Variants in LHFPL3 observed in about 807,000 individuals in gnomAD.
LHFPL3 encodes LHFPL tetraspan subfamily member 3 protein.
Under a neutral mutation model 19.3 loss-of-function variants are expected in LHFPL3, and 5 were observed. The observed-to-expected ratio is 0.26, with a 90% CI of 0.14 to 0.54. The LOEUF is 0.54. Among genes scored for constraint, LHFPL3 ranks in the 20% least tolerant of loss-of-function variants. The pLI is 0.94. For synonymous variants in LHFPL3, 133 were observed against 126.2 expected (o/e 1.05, Z -0.36); for missense variants, 249 against 307.4 (o/e 0.81, Z 1.42).
At chr7:104,798,291 T>G (rs1790172554) in intron 2 of LHFPL3, 1 of 152,236 alleles carries the variant, frequency 6.6e-6, no homozygotes, top group Non-Finnish European at 1.5e-5. Flanking sequence ...CTGTTAAGTA[T>G]TTTAAGTTAA....
Position 104,621,135 on chromosome 7 carries a change from C to G in LHFPL3, c.446-115540C>G, listed in dbSNP as rs149987325. Among the ~76,000 whole-genome samples, 106 of 152,306 alleles carry G rather than the reference C, an allele frequency of 7.0e-4. 1 individual carries two copies. Among genetic ancestry groups the G allele is most frequent in the African/African-American group, 2.3e-3 (95 of 41,562 alleles). On this transcript the variant is annotated intron_variant, in intron 1 of 2. Coordinates refer to ENST00000424859, the MANE Select transcript of LHFPL3 (RefSeq NM_199000.3). ...TCTGAACCCATCCCCAGATCTCCCA[C>G]TTTTTTAGTCTCCAGCCCCACTCAT...
intron 1 of LHFPL3, among the ~76,000 whole-genome samples, chr7:104,564,097 G>T (rs28606433): frequency 0.03 from 4,510 of 152,136 alleles, 229 homozygotes; most frequent in African/African-American, 0.1. Flanking sequence ...TACTATTATT[G>T]TATAAAAGAG....
intron 2 of LHFPL3, among the ~76,000 whole-genome samples, chr7:104,791,419 G>A (rs1426541115): frequency 6.6e-6 from 1 of 152,130 alleles, no homozygotes; most frequent in African/African-American, 2.4e-5. Context: ...GAGATTATTG[G>A]TCCCCTACTT....
chr7:104,545,367 C>T (rs1445461455), intron 1 of LHFPL3, among the ~76,000 whole-genome samples: 2 of 152,186 alleles, frequency 1.3e-5, no homozygotes, highest in Admixed American at 1.3e-4. Flanking sequence ...TGCCAATTTC[C>T]ATCTCCCAGA....
intron 1 of LHFPL3, among the ~76,000 whole-genome samples, chr7:104,389,334 G>A (rs940436672): frequency 6.6e-6 from 1 of 152,090 alleles, no homozygotes; most frequent in African/African-American, 2.4e-5. Context: ...ACAACTTGCA[G>A]ACCGAAAACT....
At chr7:104,416,738 T>G (rs1423506417) in intron 1 of LHFPL3, among the ~76,000 whole-genome samples, 1 of 152,240 alleles carries the variant, frequency 6.6e-6, no homozygotes, top group Admixed American at 6.5e-5. Context: ...GTACGTATCT[T>G]AGTCTGTTTT....
chr7:104,710,375 ATTAG>A (rs1793278183), intron 1 of LHFPL3, among the ~76,000 whole-genome samples: 1 of 152,220 alleles, frequency 6.6e-6, no homozygotes, highest in Non-Finnish European at 1.5e-5. Context: ...ATTGACTTTC[ATTAG>A]TTAGTTAATT....
chr7:104,464,503 CT>C (rs1328301735), intron 1 of LHFPL3, among the ~76,000 whole-genome samples: 15 of 152,364 alleles, frequency 9.8e-5, no homozygotes, highest in Admixed American at 3.3e-4. Flanking sequence ...GGTTCCACCC[CT>C]GAAGCATACT....
At chr7:104,688,675 C>G (rs1323447025) in intron 1 of LHFPL3, among the ~76,000 whole-genome samples, 1 of 152,154 alleles carries the variant, frequency 6.6e-6, no homozygotes, top group African/African-American at 2.4e-5. Context: ...GATGGCCTCC[C>G]CTGAGGCAGT....
chr7:104,589,981 A>C (rs144445283), intron 1 of LHFPL3, among the ~76,000 whole-genome samples: 1 of 151,708 alleles, frequency 6.6e-6, no homozygotes, highest in African/African-American at 2.4e-5. Context: ...TTTTTATTGC[A>C]TCTATTTGAT....
intron 1 of LHFPL3, among the ~76,000 whole-genome samples, chr7:104,382,046 C>G (rs1790839318): frequency 6.6e-6 from 1 of 152,176 alleles, no homozygotes; most frequent in Non-Finnish European, 1.5e-5. Context: ...TTTGAGATCC[C>G]TGGATATCCC....
At chr7:104,726,840 A>G (rs1793600921) in intron 1 of LHFPL3, among the ~76,000 whole-genome samples, 1 of 152,180 alleles carries the variant, frequency 6.6e-6, no homozygotes, top group Admixed American at 6.5e-5. Flanking sequence ...TCCTTTGGGT[A>G]TATATCCAGT....
chr7:104,781,155 A>G (rs1794709828), intron 2 of LHFPL3, among the ~76,000 whole-genome samples: 1 of 152,096 alleles, frequency 6.6e-6, no homozygotes, highest in Non-Finnish European at 1.5e-5. Flanking sequence ...AAGGATACAA[A>G]TTTTCTTTGT....
chr7:104,540,877 C>A (rs957643496), intron 1 of LHFPL3, among the ~76,000 whole-genome samples: 1 of 152,134 alleles, frequency 6.6e-6, no homozygotes, highest in Non-Finnish European at 1.5e-5. Flanking sequence ...TCCCCACTTC[C>A]ACTACTTTAG....
At chr7:104,346,282 C>T (rs1181448348) in intron 1 of LHFPL3, among the ~76,000 whole-genome samples, 2 of 151,712 alleles carry the variant, frequency 1.3e-5, no homozygotes. Flanking sequence ...GTGATCCACC[C>T]ACCTTGGCCT....
chr7:104,343,290 G>A (rs150150044), intron 1 of LHFPL3, among the ~76,000 whole-genome samples: 8,017 of 151,678 alleles, frequency 0.053, 344 homozygotes, highest in African/African-American at 0.12. Context: ...TGAGGAGGGC[G>A]GATCATGAGG....
intron 1 of LHFPL3, among the ~76,000 whole-genome samples, chr7:104,343,472 C>T (rs1323766901): frequency 6.8e-5 from 8 of 117,374 alleles, no homozygotes; most frequent in Non-Finnish European, 1.3e-4. Context: ...AAGATCACAC[C>T]ATTGCACTCC....
At chr7:104,425,097 G>A (rs1322326881) in intron 1 of LHFPL3, among the ~76,000 whole-genome samples, 2 of 151,482 alleles carry the variant, frequency 1.3e-5, no homozygotes, top group East Asian at 3.9e-4. Flanking sequence ...AAAGACATGA[G>A]GTAGGTGAGG....
At chr7:104,554,656 T>TAGAC (rs2115920232) in intron 1 of LHFPL3, among the ~76,000 whole-genome samples, 1 of 143,032 alleles carries the variant, frequency 7.0e-6, no homozygotes, top group East Asian at 2.0e-4. Flanking sequence ...GATAGATAGA[T>TAGAC]AGATAGATAG....
Sources: gnomAD v4.1 joint callset for allele counts (sites outside exome capture counted in the v4.1 genomes callset) on GRCh38, gnomAD v4.1.1 for gene constraint, MANE v1.5 for transcripts, NCBI Gene and HGNC (gene_info 2026-07-23, HGNC 2026-07-21) for gene names.